TRPM3: variants seen among roughly 807,000 people sequenced by gnomAD.
TRPM3 encodes transient receptor potential cation channel subfamily M member 3, also known as long transient receptor potential channel 3.
In TRPM3, 77 loss-of-function variants were observed where a neutral mutation model predicts 181.2. The observed-to-expected ratio is 0.42, with a 90% CI of 0.35 to 0.51. TRPM3 has a LOEUF of 0.51. Ranked by LOEUF, TRPM3 falls within the 20% of genes least tolerant of loss-of-function variation. The pLI, the probability that TRPM3 is intolerant of heterozygous loss-of-function variation, is 0.01. For missense variants in TRPM3, 1,759 were observed against 2,196.7 expected (o/e 0.80, Z 3.98); for synonymous variants, 745 against 796.4 (o/e 0.94, Z 1.09).
At chr9:70,750,729 C>T (rs968066333) in intron 8 of TRPM3, among the ~76,000 whole-genome samples, 6 of 151,972 alleles carry the variant, frequency 3.9e-5, no homozygotes, top group South Asian at 2.1e-4. Context: ...GAAAATGAAA[C>T]GAGAATTGGA....
chr9:71,079,542 T>G (rs1408979355), intron 1 of TRPM3, among the ~76,000 whole-genome samples: 1 of 152,150 alleles, frequency 6.6e-6, no homozygotes, highest in Non-Finnish European at 1.5e-5. Flanking sequence ...AGCAGTGATA[T>G]CTAAAGTCCC....
chr9:70,665,312 T>G (rs73647111), intron 9 of TRPM3, among the ~76,000 whole-genome samples: 315 of 152,274 alleles, frequency 2.1e-3, no homozygotes, highest in African/African-American at 7.2e-3. Flanking sequence ...CTTTGAAGAA[T>G]CGAAGCTATA....
chr9:71,446,518 T>A, intron 1 of TRPM3: 1 of 911,822 alleles, frequency 1.1e-6, no homozygotes, highest in Non-Finnish European at 1.6e-6. Flanking sequence ...CAGCACTCTA[T>A]TTCATTAGAA....
intron 7 of TRPM3, among the ~76,000 whole-genome samples, chr9:70,767,016 G>T (rs148552107): frequency 6.6e-6 from 1 of 152,240 alleles, no homozygotes; most frequent in Non-Finnish European, 1.5e-5. Flanking sequence ...CTGCACAAGC[G>T]TATGCATTAT....
At chr9:71,181,447 T>C (rs935258261) in intron 1 of TRPM3, among the ~76,000 whole-genome samples, 1 of 151,800 alleles carries the variant, frequency 6.6e-6, no homozygotes. Context: ...TCTGAGCCCT[T>C]AGGTCAACTC....
intron 11 of TRPM3, among the ~76,000 whole-genome samples, chr9:70,638,288 G>A (rs2057536545): frequency 6.6e-6 from 1 of 152,130 alleles, no homozygotes; most frequent in African/African-American, 2.4e-5. Context: ...CCAGAACCCA[G>A]AGAAATAAAT....
intron 1 of TRPM3, among the ~76,000 whole-genome samples, chr9:71,168,539 T>TTG (rs1565297843): frequency 4.3e-4 from 20 of 46,892 alleles, no homozygotes; most frequent in East Asian, 6.5e-4. Context: ...AGGTGTGATT[T>TTG]ATTTATTTAT....
chr9:70,628,002 T>A (rs2064984018), intron 12 of TRPM3, among the ~76,000 whole-genome samples: 1 of 152,214 alleles, frequency 6.6e-6, no homozygotes, highest in Non-Finnish European at 1.5e-5. Flanking sequence ...AGAGAAAGTT[T>A]TAAGATAGTA....
In TRPM3 at chr9:71,305,502, T is replaced by C. The variant is rs894535791; in HGVS notation, c.183+141151A>G. Among the ~76,000 whole-genome samples the C allele has an allele frequency of 2.0e-5, 3 of 152,276 alleles. No individual in the cohort carries two copies. The South Asian group carries it at 6.2e-4, about 32-fold the overall frequency. On this transcript the variant is annotated intron_variant, in intron 1 of 24. Transcript: ENST00000357533. ...AGTGTAAAGGTCTGGTAAATAAAAT[T>C]ACAAGAAAATGTAGTGAAAAATATT...
intron 7 of TRPM3, among the ~76,000 whole-genome samples, chr9:70,777,625 C>T (rs1053986348): frequency 2.0e-5 from 3 of 151,552 alleles, no homozygotes; most frequent in South Asian, 4.2e-4. Context: ...TTCTCCATGA[C>T]ACTTTCTCCA....
chr9:70,610,578 C>T, intron 19 of TRPM3, 31 bp downstream of exon 19: 1 of 1,604,516 alleles, frequency 6.2e-7, no homozygotes, highest in Admixed American at 1.7e-5. Flanking sequence ...TGTGGCCATC[C>T]ACTAGGAAGG....
At chr9:70,866,128 A>C (rs910401087) in intron 1 of TRPM3, among the ~76,000 whole-genome samples, 5 of 152,090 alleles carry the variant, frequency 3.3e-5, no homozygotes, top group Non-Finnish European at 5.9e-5. Flanking sequence ...TTCATAGGCC[A>C]TGATTTTTCT....
intron 1 of TRPM3, among the ~76,000 whole-genome samples, chr9:71,240,834 G>A (rs17056555): frequency 0.039 from 5,864 of 152,166 alleles, 155 homozygotes; most frequent in East Asian, 0.11. Context: ...CTGCTAAAAG[G>A]AATTCATAGA....
intron 1 of TRPM3, among the ~76,000 whole-genome samples, chr9:70,992,382 T>C (rs1425504736): frequency 2.6e-5 from 4 of 152,200 alleles, no homozygotes; most frequent in African/African-American, 9.6e-5. Context: ...TGATGAATTC[T>C]CCTGGTCCCT....
intron 7 of TRPM3, among the ~76,000 whole-genome samples, chr9:70,780,740 G>A (rs1481565196): frequency 6.6e-6 from 1 of 152,136 alleles, no homozygotes; most frequent in Admixed American, 6.5e-5. Context: ...CCTGGAGCAA[G>A]AGCACACTTT....
intron 9 of TRPM3, among the ~76,000 whole-genome samples, chr9:70,669,906 A>T (rs893000047): frequency 1.3e-5 from 2 of 151,872 alleles, no homozygotes; most frequent in Non-Finnish European, 2.9e-5. Context: ...CTGGATATTT[A>T]AAAAAATTTT....
Position 70,834,446 on chromosome 9 carries a change from T to C in TRPM3, c.802-6428A>G, listed in dbSNP as rs543338033. Among the ~76,000 whole-genome samples, 3 of 152,308 alleles carry C rather than the reference T, an allele frequency of 2.0e-5. No homozygotes were observed. In the East Asian group the frequency reaches 5.8e-4, roughly 29 times the overall value. On this transcript the variant is annotated intron_variant, in intron 5 of 25. Coordinates refer to ENST00000677713, the MANE Select transcript of TRPM3 (RefSeq NM_001366145.2). ...GAAAGACGGTTACATCCTTTAGAAA[T>C]CACCATGTATGAGTGGGGTGATTAA... is the stretch of plus-strand genomic sequence containing the variant.
intron 1 of TRPM3, among the ~76,000 whole-genome samples, chr9:71,428,948 GAAAAAA>G (rs34737844): frequency 8.2e-6 from 1 of 121,998 alleles, no homozygotes; most frequent in Non-Finnish European, 1.7e-5. Flanking sequence ...TGTTTCAAAG[GAAAAAA>G]AAAAAAAAAA....
At chr9:71,431,862 G>A (rs2093959010) in intron 1 of TRPM3, among the ~76,000 whole-genome samples, 1 of 152,058 alleles carries the variant, frequency 6.6e-6, no homozygotes, top group Non-Finnish European at 1.5e-5. Flanking sequence ...TCTTCTCTCT[G>A]TCCAGGATAT....
Sources: gnomAD v4.1 joint callset for allele counts (sites outside exome capture counted in the v4.1 genomes callset) on GRCh38, gnomAD v4.1.1 for gene constraint, MANE v1.5 for transcripts, NCBI Gene and HGNC (gene_info 2026-07-23, HGNC 2026-07-21) for gene names.